Variants in PLIN4 observed in about 807,000 individuals in gnomAD.
PLIN4 encodes perilipin 4, also known as perilipin-4.
A neutral mutation model predicts 52.4 loss-of-function variants in PLIN4; 57 were observed. The ratio of observed to expected loss-of-function variants is 1.09; its 90% CI spans 0.88 to 1.36. The LOEUF is 1.36. Among genes scored for constraint, PLIN4 ranks in the 40% most tolerant of loss-of-function variants. PLIN4 has a pLI of 0.00. For synonymous variants in PLIN4, 826 were observed against 785.4 expected (o/e 1.05, Z -0.86); for missense variants, 1,757 against 1,770.3 (o/e 0.99, Z 0.13).
rs1293872540 is a variant in PLIN4 at position 4,503,060 on chromosome 19, TC to T, written c.*1398del. The T allele has an allele frequency of 2.0e-5, 3 of 152,168 alleles. No individual in the cohort carries two copies. The highest frequency in any genetic ancestry group is 4.4e-5 in the Non-Finnish European group (3 of 68,068). The allele number at this position is 152,168 out of a possible 1,614,324, so 9.4% of individuals were successfully genotyped here. ...TTGGGAAGGCTCCTGACCCGTCCCC[TC>T]TCACGGCCCGTCACCTGAGGCAGTC... On this transcript the variant is annotated 3_prime_UTR_variant, in exon 8 of 8. Coordinates refer to ENST00000301286, the MANE Select transcript of PLIN4 (RefSeq NM_001367868.2).
chr19:4,510,461 T>C lies in PLIN4; in HGVS notation c.3499A>G (p.Asn1167Asp). Reference sequence around the variant, plus strand: ...GTCCCCTCACCTTGCTCCTCCGCATTCATGGGGTGGAAGATGTCCCCCAGC... The same window carrying C: ...GTCCCCTCACCTTGCTCCTCCGCATCCATGGGGTGGAAGATGTCCCCCAGC... ...EGLGDIFHPM[N>D]AEEQAQLAAS... Residue 1167 changes from asparagine to aspartate, a missense_variant, in exon 5 of 8, where the codon AAT becomes GAT. By Grantham distance (23) the Asn-to-Asp change is conservative. Transcript: ENST00000301286. 7.0e-7 allele frequency: 1 copy of C among 1,427,170 alleles called. No individual in the cohort carries two copies. The highest frequency in any genetic ancestry group is 2.5e-5 in the East Asian group (1 of 40,246). The allele number at this position is 1,427,170 out of a possible 1,614,324, so 88.4% of individuals were successfully genotyped here. A position where few individuals can be genotyped will look rare whatever the true frequency, so the allele number is the denominator to read the frequency against.
chr19:4,511,963 G>A lies in PLIN4; in HGVS notation c.1997C>T (p.Thr666Ile), dbSNP rs1365965534. 6.2e-7 allele frequency: 1 copy of A among 1,602,738 alleles called. No individual in the cohort carries two copies. Among genetic ancestry groups the A allele is most frequent in the African/African-American group, 1.4e-5 (1 of 73,318 alleles). The stretch of plus-strand genomic sequence containing the variant: ...AGCACTGGTCACCCCACTGCCAAAG[G>A]TGTTCTTTGTACCTGTCGCGATATT... Reference protein sequence around the residue: ...TQNIATGTKNTFGSGVTSAVN... With the variant: ...TQNIATGTKNIFGSGVTSAVN... Residue 666 changes from threonine to isoleucine, a missense_variant, in exon 5 of 8, where the codon ACC becomes ATC. Transcript: ENST00000301286.
rs865822752 is a variant in PLIN4 at position 4,511,073 on chromosome 19, C to T, written c.2887G>A (p.Ala963Thr). Residue 963 changes from alanine to threonine, a missense_variant, in exon 5 of 8, where the codon GCA becomes ACA. Physicochemically the swap from Ala to Thr is moderately conservative, Grantham distance 58 (BLOSUM62 0). This residue lies in a region of PLIN4 where 712 missense variants were observed against 637.1 expected (regional missense o/e 1.12). Transcript: ENST00000301286. ...AKTVLSGAKDAVTTGVTGAVN... is the reference protein window; with the variant it reads ...AKTVLSGAKDTVTTGVTGAVN... ...GCCCCCGTGACTCCAGTAGTCACTG[C>T]ATCCTTAGCGCCACTCAGCACCGTC... 1 of 1,613,502 alleles carries T rather than the reference C, an allele frequency of 6.2e-7. No homozygotes were observed. Among genetic ancestry groups the T allele is most frequent in the Non-Finnish European group, 8.5e-7 (1 of 1,179,854 alleles).
chr19:4,517,790 C>A, intron 2 of PLIN4, 92 bp from the exon 3 acceptor site: 1 of 1,451,746 alleles, frequency 6.9e-7, no homozygotes, highest in Non-Finnish European at 9.2e-7. Flanking sequence ...CCAATGCCGC[C>A]CCGGCCCCTT....
intron 6 of PLIN4, among the ~76,000 whole-genome samples, chr19:4,507,047 C>A (rs1169027959): frequency 3.3e-5 from 5 of 152,190 alleles, no homozygotes; most frequent in African/African-American, 1.2e-4. Context: ...CCAGGGGCTT[C>A]CCCCAGTTGT....
intron 2 of PLIN4, 92 bp downstream of exon 2, chr19:4,518,130 G>A (rs1337434353): frequency 2.4e-5 from 26 of 1,104,734 alleles, no homozygotes; most frequent in Non-Finnish European, 3.0e-5. Context: ...CACCTCTCCA[G>A]ATTCGAGACC....
In PLIN4 at chr19:4,510,874, G is replaced by C; in HGVS notation, c.3086C>G (p.Ala1029Gly). ...TGACCCCATGAGCCCAGCGGACACT[G>C]CGTCTTTGGTTCCGGTCAGCACTGT... ...TKTVLTGTKD[A>G]VSAGLMGSGN... The change falls in exon 5 of 8, where the codon GCA (alanine) becomes GGA (glycine). Residue 1029 changes from alanine (A) to glycine (G), a missense_variant. Transcript: ENST00000301286. 6.2e-7 allele frequency: 1 copy of C among 1,613,714 alleles called. No homozygotes were observed. The highest frequency in any genetic ancestry group is 1.1e-5 in the South Asian group (1 of 91,082).
In PLIN4 at chr19:4,512,401, C is replaced by G. The variant is rs757670881; in HGVS notation, c.1559G>C (p.Gly520Ala). ...TAGGACAGTCTTGGTGGTGTCTACG[C>G]CGGTCTGGACGGTCCCTTTGGCCAC... ...VNVAKGTVQT[G>A]VDTTKTVLTG... The change falls in exon 5 of 8, where the codon GGC becomes GCC. Residue 520 changes from glycine to alanine, a missense_variant. By Grantham distance (60) the Gly-to-Ala change is moderately conservative. Transcript: ENST00000301286. 8.1e-6 allele frequency: 13 copies of G among 1,609,056 alleles called. No individual in the cohort carries two copies. Among genetic ancestry groups the G allele is most frequent in the Non-Finnish European group, 9.3e-6 (11 of 1,177,950 alleles).
At chr19:4,508,111 C>A (rs965822981) in intron 6 of PLIN4, among the ~76,000 whole-genome samples, 1 of 152,184 alleles carries the variant, frequency 6.6e-6, no homozygotes, top group Non-Finnish European at 1.5e-5. Flanking sequence ...CCAGCTTGCT[C>A]CCCGGTAGCT....
Position 4,511,170 on chromosome 19 carries a change from G to C in PLIN4, c.2790C>G (p.Thr930=). Residue 930 remains threonine (T), a synonymous_variant, in exon 5 of 8, where the codon ACC becomes ACG. Coordinates refer to ENST00000301286, the MANE Select transcript of PLIN4 (RefSeq NM_001367868.2). ...SKTVLTGTKD[T]VCSGVTGAVN... ...CGGCACCAGTGACTCCACTGCAGACGGTGTCCTTGGTACCGGTCAGGACAG... is the reference window on the plus strand; with the variant it reads ...CGGCACCAGTGACTCCACTGCAGACCGTGTCCTTGGTACCGGTCAGGACAG... 1 of 1,611,704 alleles carries C rather than the reference G, an allele frequency of 6.2e-7. No homozygotes were observed. Among genetic ancestry groups the C allele is most frequent in the Non-Finnish European group, 8.5e-7 (1 of 1,178,786 alleles).
rs199672075 is a variant in PLIN4, at chr19:4,511,765, G to A, written c.2195C>T (p.Thr732Ile). Residue 732 changes from threonine (T) to isoleucine (I), a missense_variant, in exon 5 of 8, where the codon ACC (threonine) becomes ATC (isoleucine). By Grantham distance (89) the Thr-to-Ile change is moderately conservative. Coordinates refer to ENST00000301286, the MANE Select transcript of PLIN4 (RefSeq NM_001367868.2). Reference protein sequence around the residue: ...TKTVLTGTKDTVCSGVTGAAN... With the variant: ...TKTVLTGTKDIVCSGVTGAAN... ...AGCACCGGTCACCCCACTGCAGACG[G>A]TGTCCTTGGTACCAGTTAGGACAGT... 3.8e-6 allele frequency: 6 copies of A among 1,599,758 alleles called. No individual in the cohort carries two copies. In the African/African-American group the frequency reaches 6.7e-5, roughly 18 times the overall value.
At chr19:4,517,810 TG>T in intron 2 of PLIN4, 112 bp from the exon 3 acceptor site, 1 of 1,370,668 alleles carries the variant, frequency 7.3e-7, no homozygotes, top group Non-Finnish European at 9.8e-7. Context: ...TGCTCCTGGG[TG>T]ACCTCAGGAA....
chr19:4,506,681 CCTT>C (rs935767324), intron 6 of PLIN4, among the ~76,000 whole-genome samples: 3 of 152,248 alleles, frequency 2.0e-5, no homozygotes, highest in Non-Finnish European at 4.4e-5. Flanking sequence ...CCTGTGGCCT[CCTT>C]CTCCCCTTCT....
intron 6 of PLIN4, 134 bp downstream of exon 6, chr19:4,508,634 A>G: frequency 9.7e-7 from 1 of 1,030,962 alleles, no homozygotes; most frequent in South Asian, 1.7e-5. Flanking sequence ...CCATGAGTAC[A>G]GAGCCATGAC....
At position 4,513,659 on chromosome 19, in the gene PLIN4, TG is replaced by T; in HGVS notation, c.300del (p.Arg101GlyfsTer80). ...CCGGAGGACACGGCATCCTTGGCCC[TG>T]GACATCTTGGAACACACCAGGTCTT... Reference protein sequence around the residue: ...GAKDLVCSKMSRAKDAVSSGV... With the variant: ...GAKDLVCSKMXRAKDAVSSGV... On this transcript the variant is annotated frameshift_variant, in exon 5 of 8. Coordinates refer to ENST00000301286, the MANE Select transcript of PLIN4 (RefSeq NM_001367868.2). LOFTEE classifies it high-confidence loss of function. The T allele has an allele frequency of 1.2e-6, 2 of 1,602,878 alleles. No homozygotes were observed. Among genetic ancestry groups the T allele is most frequent in the Non-Finnish European group, 1.7e-6 (2 of 1,174,578 alleles).
chr19:4,516,456 G>A (rs1424525557), intron 4 of PLIN4, among the ~76,000 whole-genome samples, 161 bp downstream of exon 4: 1 of 152,202 alleles, frequency 6.6e-6, no homozygotes, highest in Non-Finnish European at 1.5e-5. Flanking sequence ...GGATCCCCAG[G>A]CTGTCTGCCT....
At chr19:4,514,747 A>G (rs995516154) in intron 4 of PLIN4, among the ~76,000 whole-genome samples, 183 of 151,448 alleles carry the variant, frequency 1.2e-3, no homozygotes, top group African/African-American at 4.1e-3. Context: ...TGATAATGAT[A>G]ATAATAATAA....
rs778889459 is a variant in PLIN4, at chr19:4,504,397, T to C, written c.*62A>G. On this transcript the variant is annotated 3_prime_UTR_variant, in exon 8 of 8. Transcript: ENST00000301286. ...AGGTTTGGGGGCGGGGAGAAAGTTC[T>C]GAGGCAGCTCCTCCCTGGACAGAGC... The C allele has an allele frequency of 1.3e-5, 18 of 1,404,362 alleles. No homozygotes were observed. Among genetic ancestry groups the C allele is most frequent in the Non-Finnish European group, 1.6e-5 (17 of 1,067,240 alleles). The allele number at this position is 1,404,362 out of a possible 1,614,324, so 87.0% of individuals were successfully genotyped here. A position where few individuals can be genotyped will look rare whatever the true frequency, so the allele number is the denominator to read the frequency against.
rs148866703 is a variant in PLIN4, at chr19:4,502,553, C to T, written c.*1906G>A. 644 of 234,284 alleles carry T rather than the reference C, an allele frequency of 2.7e-3. 6 individuals are homozygous for T. The highest frequency in any genetic ancestry group is 0.013 in the African/African-American group (560 of 42,038). 14.5% of individuals were successfully genotyped at this position (234,284 alleles called of 1,614,324 possible). On this transcript the variant is annotated 3_prime_UTR_variant, in exon 8 of 8. Coordinates refer to ENST00000301286, the MANE Select transcript of PLIN4 (RefSeq NM_001367868.2). ...GTGAGCAGGTCCGATGTGGGGAGGA[C>T]GAGGGTCCGCGAGGCTAGGCTGGGA... is the stretch of plus-strand genomic sequence containing the variant.
Sources: allele counts gnomAD v4.1 joint callset (sites outside exome capture counted in the v4.1 genomes callset), GRCh38; gene constraint gnomAD v4.1.1; regional missense constraint gnomAD v4.1.1; transcripts MANE v1.5; gene names NCBI Gene and HGNC (gene_info 2026-07-23, HGNC 2026-07-21).